The following VTI1A variants were observed in gnomAD, a reference collection of about 807,000 sequenced individuals.
VTI1A encodes vesicle transport through interaction with t-SNAREs 1A, also known as vesicle transport through interaction with t-SNAREs homolog 1A.
In VTI1A, 22 loss-of-function variants were observed where a neutral mutation model predicts 34.9. That is an observed-to-expected ratio of 0.63 (90% CI 0.45 to 0.90). The LOEUF is 0.90. VTI1A is among the 40% of genes least tolerant of loss of function. VTI1A has a pLI of 0.00. For missense variants in VTI1A, 268 were observed against 275.6 expected (o/e 0.97, Z 0.20); for synonymous variants, 87 against 97.3 (o/e 0.89, Z 0.62).
chr10:112,481,816 T>G (rs1474323682), intron 3 of VTI1A, among the ~76,000 whole-genome samples: 1 of 152,230 alleles, frequency 6.6e-6, no homozygotes, highest in Non-Finnish European at 1.5e-5. Flanking sequence ...CGAGTGAATT[T>G]GGAACAGAAA....
At chr10:112,615,712 G>A (rs746992361) in intron 5 of VTI1A, among the ~76,000 whole-genome samples, 1 of 152,160 alleles carries the variant, frequency 6.6e-6, no homozygotes, top group Non-Finnish European at 1.5e-5. Flanking sequence ...CTAAATAAAT[G>A]ACATTTAAAA....
At chr10:112,783,013 A>C (rs1414119566) in intron 7 of VTI1A, among the ~76,000 whole-genome samples, 1 of 152,166 alleles carries the variant, frequency 6.6e-6, no homozygotes, top group African/African-American at 2.4e-5. Flanking sequence ...ACACACACAC[A>C]CCAAAAAAAG....
intron 7 of VTI1A, among the ~76,000 whole-genome samples, chr10:112,763,249 G>A (rs1025418457): frequency 6.6e-6 from 1 of 151,982 alleles, no homozygotes; most frequent in African/African-American, 2.4e-5. Flanking sequence ...GACCATCCTG[G>A]CTAACACGGT....
rs1431202187 is a variant in VTI1A, at chr10:112,625,650, A to AAAAAAAAAAAAAAG, written c.428-42566_428-42565insAAAAAAAAAAAGAA. 9.1e-4 allele frequency among the ~76,000 whole-genome samples: 138 copies of AAAAAAAAAAAAAAG among 151,018 alleles called. 6 individuals carry two copies. The highest frequency in any genetic ancestry group is 3.4e-3 in the African/African-American group (138 of 41,084). On this transcript the variant is annotated intron_variant, in intron 5 of 7. Transcript: ENST00000393077. ...AGTGAAACTCTGTCTCAAAAAAAAA[A>AAAAAAAAAAAAAAG]AAGGAAAACCAAACATCATATCTTC...
At chr10:112,714,400 C>T (rs1849534393) in intron 7 of VTI1A, among the ~76,000 whole-genome samples, 3 of 152,172 alleles carry the variant, frequency 2.0e-5, no homozygotes, top group Admixed American at 1.3e-4. Context: ...GTCATCACCT[C>T]CTGCAGAATG....
At chr10:112,650,256 A>G (rs1445091420) in intron 5 of VTI1A, among the ~76,000 whole-genome samples, 2 of 151,872 alleles carry the variant, frequency 1.3e-5, no homozygotes, top group Non-Finnish European at 2.9e-5. Context: ...TTTTTTTGTT[A>G]AAAACTAAGA....
At chr10:112,799,864 A>G (rs1423651763) in intron 7 of VTI1A, among the ~76,000 whole-genome samples, 5 of 152,214 alleles carry the variant, frequency 3.3e-5, no homozygotes, top group Non-Finnish European at 7.3e-5. Flanking sequence ...GCTTAGCCAC[A>G]GCAGGGCACC....
intron 5 of VTI1A, among the ~76,000 whole-genome samples, chr10:112,603,384 G>A (rs1221155252): frequency 1.3e-5 from 2 of 152,178 alleles, no homozygotes; most frequent in Non-Finnish European, 2.9e-5. Context: ...GCAGAGGTAG[G>A]AAGGGTTTTG....
At chr10:112,742,820 G>A (rs1022452259) in intron 7 of VTI1A, among the ~76,000 whole-genome samples, 2 of 152,164 alleles carry the variant, frequency 1.3e-5, no homozygotes, top group African/African-American at 4.8e-5. Flanking sequence ...TTCCATTTAA[G>A]GGGAGAGTTA....
chr10:112,479,902 T>C (rs761288272), intron 3 of VTI1A, among the ~76,000 whole-genome samples: 1 of 152,238 alleles, frequency 6.6e-6, no homozygotes, highest in Non-Finnish European at 1.5e-5. Context: ...TTTTATCCAG[T>C]TAATCTGTCT....
chr10:112,702,626 G>A lies in VTI1A; in HGVS notation c.560+33628G>A, dbSNP rs184996789. 9.3e-3 allele frequency among the ~76,000 whole-genome samples: 1,421 copies of A among 152,248 alleles called. 23 individuals carry two copies. The highest frequency in any genetic ancestry group is 0.032 in the African/African-American group (1,316 of 41,542). Reference sequence around the variant, plus strand: ...CTTTGAGCCAGAGTCTCACTCTGTCGCCCAGGCTGGAGTGCAGTGGTGTGA... The same window carrying A: ...CTTTGAGCCAGAGTCTCACTCTGTCACCCAGGCTGGAGTGCAGTGGTGTGA... On this transcript the variant is annotated intron_variant, in intron 7 of 7. Transcript: ENST00000393077.
chr10:112,834,006 T>C, the VTI1A span, among the ~76,000 whole-genome samples: 2 of 152,194 alleles, frequency 1.3e-5, no homozygotes, highest in Non-Finnish European at 2.9e-5. Flanking sequence ...CTGCTTGCTC[T>C]CTGGCTGGGT....
At chr10:112,527,318 A>T (rs773212008) in intron 4 of VTI1A, 154 bp downstream of exon 4, 1 of 526,934 alleles carries the variant, frequency 1.9e-6, no homozygotes, top group Non-Finnish European at 3.3e-6. Flanking sequence ...ATCAACTTCA[A>T]AATGTTTCTT....
chr10:112,566,880 T>C (rs1851922727), intron 5 of VTI1A, among the ~76,000 whole-genome samples: 1 of 152,136 alleles, frequency 6.6e-6, no homozygotes, highest in Non-Finnish European at 1.5e-5. Context: ...TGGGGGTCTT[T>C]CCCAATGTTT....
chr10:112,764,706 G>A (rs559227585), intron 7 of VTI1A, among the ~76,000 whole-genome samples: 1 of 152,226 alleles, frequency 6.6e-6, no homozygotes, highest in East Asian at 1.9e-4. Flanking sequence ...TGTTAACATT[G>A]TGATCATGGT....
At chr10:112,619,190 G>C in intron 5 of VTI1A, among the ~76,000 whole-genome samples, 1 of 151,998 alleles carries the variant, frequency 6.6e-6, no homozygotes, top group East Asian at 1.9e-4. Flanking sequence ...TGATTGAAGG[G>C]ATAAGTATAT....
At chr10:112,667,512 A>T (rs906730982) in intron 5 of VTI1A, among the ~76,000 whole-genome samples, 17 of 152,198 alleles carry the variant, frequency 1.1e-4, no homozygotes, top group African/African-American at 3.9e-4. Flanking sequence ...GAACTCAGCA[A>T]TGTGACTTTT....
At chr10:112,795,381 T>TTC (rs141434884) in intron 7 of VTI1A, among the ~76,000 whole-genome samples, 10 of 151,396 alleles carry the variant, frequency 6.6e-5, no homozygotes, top group East Asian at 1.9e-4. Flanking sequence ...AAAAAATTTT[T>TTC]AAATAATTTT....
chr10:112,657,006 T>C (rs1847255901), intron 5 of VTI1A, among the ~76,000 whole-genome samples: 1 of 152,172 alleles, frequency 6.6e-6, no homozygotes, highest in Non-Finnish European at 1.5e-5. Context: ...GTCCTGCTCC[T>C]GCCCTGTAAG....
Sources: gnomAD v4.1 joint callset for allele counts (sites outside exome capture counted in the v4.1 genomes callset) on GRCh38, gnomAD v4.1.1 for gene constraint, MANE v1.5 for transcripts, NCBI Gene and HGNC (gene_info 2026-07-23, HGNC 2026-07-21) for gene names.